ST6GALNAC5: variants seen among roughly 807,000 people sequenced by gnomAD.
The protein encoded by ST6GALNAC5 is ST6 N-acetylgalactosaminide alpha-2,6-sialyltransferase 5, also known as alpha-N-acetylgalactosaminide alpha-2,6-sialyltransferase 5.
In ST6GALNAC5, 27 loss-of-function variants were observed where a neutral mutation model predicts 33.6. The ratio of observed to expected loss-of-function variants is 0.80; its 90% CI spans 0.59 to 1.11. The LOEUF is 1.11. Among genes scored for constraint, ST6GALNAC5 ranks in the 50% least tolerant of loss-of-function variants. The pLI is 0.00. For synonymous variants in ST6GALNAC5, 194 were observed against 171.2 expected (o/e 1.13, Z -1.04); for missense variants, 428 against 454.0 (o/e 0.94, Z 0.52).
intron 2 of ST6GALNAC5, among the ~76,000 whole-genome samples, chr1:76,899,755 G>A (rs113877477): frequency 0.019 from 2,919 of 152,266 alleles, 88 homozygotes; most frequent in African/African-American, 0.063. Context: ...GAAGTGTGGC[G>A]CCAAGATTGA....
chr1:76,889,064 T>A (rs1653959027), intron 2 of ST6GALNAC5, among the ~76,000 whole-genome samples: 1 of 152,100 alleles, frequency 6.6e-6, no homozygotes, highest in Non-Finnish European at 1.5e-5. Flanking sequence ...ATCTTCCCAG[T>A]CACACCCCCA....
Position 77,044,497 on chromosome 1 carries a change from C to G in ST6GALNAC5, c.555C>G (p.Val185=), listed in dbSNP as rs1045055199. Reference sequence around the variant, plus strand: ...TGCGGCGGGACGGCAAGGGCCAGGTCTACAACAACCTGCATCTCCTGAGCC... The same window carrying G: ...TGCGGCGGGACGGCAAGGGCCAGGTGTACAACAACCTGCATCTCCTGAGCC... The part of the protein sequence containing the change: ...SYMRRDGKGQ[V]YNNLHLLSQV... The change falls in exon 3 of 5, where the codon GTC becomes GTG. Residue 185 remains valine (V), a synonymous_variant. Coordinates refer to ENST00000477717, the MANE Select transcript of ST6GALNAC5 (RefSeq NM_030965.3). 2 of 1,613,036 alleles carry G rather than the reference C, an allele frequency of 1.2e-6. No individual in the cohort carries two copies. Among genetic ancestry groups the G allele is most frequent in the East Asian group, 2.2e-5 (1 of 44,850 alleles).
At chr1:77,039,543 T>C (rs1651766064) in intron 2 of ST6GALNAC5, among the ~76,000 whole-genome samples, 1 of 152,222 alleles carries the variant, frequency 6.6e-6, no homozygotes, top group Middle Eastern at 3.2e-3. Flanking sequence ...TATGTCTACT[T>C]TGTATGTGGC....
intron 2 of ST6GALNAC5, among the ~76,000 whole-genome samples, chr1:77,000,453 C>T (rs1650104228): frequency 8.0e-6 from 1 of 125,060 alleles, no homozygotes; most frequent in Non-Finnish European, 1.8e-5. Flanking sequence ...CCTGTTCACT[C>T]TGATGGTAGT....
chr1:77,022,800 T>G (rs1172836103), intron 2 of ST6GALNAC5, among the ~76,000 whole-genome samples: 1 of 152,230 alleles, frequency 6.6e-6, no homozygotes. Flanking sequence ...ATTGGCCCTT[T>G]TAGGAGAAGT....
chr1:76,969,149 T>G (rs763607817), intron 2 of ST6GALNAC5, among the ~76,000 whole-genome samples: 1 of 152,160 alleles, frequency 6.6e-6, no homozygotes. Flanking sequence ...AGGTTCCTGG[T>G]TCATCACACT....
At chr1:77,051,464 A>C (rs1652216421) in intron 4 of ST6GALNAC5, among the ~76,000 whole-genome samples, 1 of 152,198 alleles carries the variant, frequency 6.6e-6, no homozygotes, top group Admixed American at 6.5e-5. Context: ...TGGCCTGGTC[A>C]CTTACCCACC....
intron 2 of ST6GALNAC5, among the ~76,000 whole-genome samples, chr1:77,038,585 A>G (rs976304334): frequency 4.6e-5 from 7 of 152,208 alleles, no homozygotes; most frequent in African/African-American, 1.7e-4. Context: ...GCCATGCTGC[A>G]AATGTTTACA....
chr1:77,000,994 T>G (rs61867182), intron 2 of ST6GALNAC5, among the ~76,000 whole-genome samples: 1 of 151,316 alleles, frequency 6.6e-6, no homozygotes, highest in South Asian at 2.1e-4. Flanking sequence ...TGGTTCCATA[T>G]GAACTTTAAA....
chr1:76,904,124 G>C (rs886518165), intron 2 of ST6GALNAC5, among the ~76,000 whole-genome samples: 2 of 152,180 alleles, frequency 1.3e-5, no homozygotes, highest in Non-Finnish European at 2.9e-5. Flanking sequence ...CATGCTTCTG[G>C]GGAAGAAATT....
chr1:77,009,141 T>A, intron 2 of ST6GALNAC5, among the ~76,000 whole-genome samples: 1 of 152,216 alleles, frequency 6.6e-6, no homozygotes, highest in East Asian at 1.9e-4. Flanking sequence ...ACTAGCACCT[T>A]ACCTGGAATG....
intron 2 of ST6GALNAC5, among the ~76,000 whole-genome samples, chr1:77,022,000 G>T (rs551258086): frequency 1.3e-5 from 2 of 151,994 alleles, no homozygotes; most frequent in East Asian, 3.8e-4. Flanking sequence ...TCTGTGCTGC[G>T]CCCCCCGTTT....
chr1:77,052,897 G>A (rs1217955303), intron 4 of ST6GALNAC5, among the ~76,000 whole-genome samples: 5 of 128,352 alleles, frequency 3.9e-5, no homozygotes, highest in East Asian at 4.5e-4. Context: ...CAGCCGGGGC[G>A]ACAAAGTGAG....
chr1:76,951,789 T>A (rs1288868155), intron 2 of ST6GALNAC5, among the ~76,000 whole-genome samples: 1 of 152,142 alleles, frequency 6.6e-6, no homozygotes, highest in Non-Finnish European at 1.5e-5. Flanking sequence ...TACCCAATCG[T>A]TTCTTTAAGA....
At chr1:77,020,883 G>A (rs554533048) in intron 2 of ST6GALNAC5, among the ~76,000 whole-genome samples, 2 of 152,248 alleles carry the variant, frequency 1.3e-5, no homozygotes, top group Non-Finnish European at 2.9e-5. Context: ...ACCTCAGCAG[G>A]AGCTATAGGC....
Position 77,064,283 on chromosome 1 carries a change from A to T in ST6GALNAC5, c.*1077A>T, listed in dbSNP as rs1420368410. On this transcript the variant is annotated 3_prime_UTR_variant, in exon 5 of 5. Coordinates refer to ENST00000477717, the MANE Select transcript of ST6GALNAC5 (RefSeq NM_030965.3). The stretch of plus-strand genomic sequence containing the variant: ...ATTTTGGGGAGCCTTATCTACATTC[A>T]TATTACTTATATCACTCTTGTGGTT... 6.6e-6 allele frequency: 1 copy of T among 152,080 alleles called. No individual in the cohort carries two copies. Among genetic ancestry groups the T allele is most frequent in the African/African-American group, 2.4e-5 (1 of 41,400 alleles). The allele number at this position is 152,080 out of a possible 1,614,324, so 9.4% of individuals were successfully genotyped here. A position where few individuals can be genotyped will look rare whatever the true frequency, so the allele number is the denominator to read the frequency against.
intron 2 of ST6GALNAC5, among the ~76,000 whole-genome samples, chr1:76,922,562 A>G (rs1647044140): frequency 6.6e-6 from 1 of 152,188 alleles, no homozygotes; most frequent in Non-Finnish European, 1.5e-5. Context: ...AAAAGAAACA[A>G]AGTGAGACTA....
chr1:76,921,790 T>C (rs778086702), intron 2 of ST6GALNAC5, among the ~76,000 whole-genome samples: 2 of 152,100 alleles, frequency 1.3e-5, no homozygotes, highest in African/African-American at 2.4e-5. Flanking sequence ...AGAAAAGCAT[T>C]TGACAGTATC....
intron 2 of ST6GALNAC5, among the ~76,000 whole-genome samples, chr1:77,005,100 A>G (rs6603932): frequency 0.35 from 52,750 of 151,424 alleles, 11,064 homozygotes; most frequent in East Asian, 0.48. Context: ...CCTCGCTGCC[A>G]CCTTGCAGTT....
Sources: allele counts gnomAD v4.1 joint callset (sites outside exome capture counted in the v4.1 genomes callset), GRCh38; gene constraint gnomAD v4.1.1; transcripts MANE v1.5; gene names NCBI Gene and HGNC (gene_info 2026-07-23, HGNC 2026-07-21).